The following SLC16A2 variants were observed in gnomAD, a reference collection of about 807,000 sequenced individuals.
The protein encoded by SLC16A2 is monocarboxylate transporter 8.
Under a neutral mutation model 27.2 loss-of-function variants are expected in SLC16A2, and 3 were observed. The observed-to-expected ratio is 0.11, with a 90% CI of 0.05 to 0.28. SLC16A2 has a LOEUF of 0.28. Among genes scored for constraint, SLC16A2 ranks in the 10% least tolerant of loss-of-function variants. The pLI is 1.00. For synonymous variants in SLC16A2, 202 were observed against 187.8 expected, an observed-to-expected ratio of 1.08 and a Z score of -0.62; for missense variants, 295 against 458.5, an observed-to-expected ratio of 0.64 and a Z score of 3.26.
At chrX:74,519,586 G>C (rs1316690402) in intron 1 of SLC16A2, among the ~76,000 whole-genome samples, 5 of 104,955 alleles carry the variant, frequency 4.8e-5, no homozygotes, top group Admixed American at 2.0e-4. Flanking sequence ...CGTGGTGGCA[G>C]GCACCTGTAG....
At chrX:74,511,808 G>T (rs1295519096) in intron 1 of SLC16A2, among the ~76,000 whole-genome samples, 1 of 111,881 alleles carries the variant, frequency 8.9e-6, no homozygotes, top group Non-Finnish European at 1.9e-5. Flanking sequence ...CTGAGCAAGA[G>T]TGTTTCATCT....
At chrX:74,494,125 A>G (rs1929890096) in intron 1 of SLC16A2, among the ~76,000 whole-genome samples, 1 of 112,388 alleles carries the variant, frequency 8.9e-6, no homozygotes, top group Non-Finnish European at 1.9e-5. Flanking sequence ...ACAAGCACCC[A>G]TCGGCAATAC....
At chrX:74,445,742 T>C (rs1928827978) in intron 1 of SLC16A2, among the ~76,000 whole-genome samples, 1 of 107,361 alleles carries the variant, frequency 9.3e-6, no homozygotes, top group African/African-American at 3.4e-5. Context: ...AACTTTGTAT[T>C]GAAATGAAAT....
intron 1 of SLC16A2, among the ~76,000 whole-genome samples, chrX:74,465,286 A>C (rs1051171367): frequency 1.8e-5 from 2 of 111,676 alleles, no homozygotes; most frequent in Non-Finnish European, 3.8e-5. Context: ...GTGTGGCATG[A>C]GATTTTGCCG....
At chrX:74,452,873 C>T (rs1018582702) in intron 1 of SLC16A2, among the ~76,000 whole-genome samples, 2 of 110,728 alleles carry the variant, frequency 1.8e-5, no homozygotes, top group Non-Finnish European at 3.8e-5. Flanking sequence ...TGACTATCTC[C>T]TCATTTGTTC....
At chrX:74,436,730 C>T (rs1928638206) in intron 1 of SLC16A2, among the ~76,000 whole-genome samples, 1 of 111,331 alleles carries the variant, frequency 9.0e-6, no homozygotes, top group African/African-American at 3.3e-5. Context: ...GCAAATATGA[C>T]CCCCAAGTGA....
At chrX:74,474,541 CAT>C (rs1158896508) in intron 1 of SLC16A2, among the ~76,000 whole-genome samples, 1 of 107,769 alleles carries the variant, frequency 9.3e-6, no homozygotes, top group Non-Finnish European at 1.9e-5. Flanking sequence ...AGGTTTGTTA[CAT>C]ATATATATGT....
chrX:74,469,132 G>A (rs750487370), intron 1 of SLC16A2, among the ~76,000 whole-genome samples: 54 of 111,796 alleles, frequency 4.8e-4, no homozygotes, highest in Non-Finnish European at 9.2e-4. Flanking sequence ...TTCTACTCAC[G>A]TTGTTGCAAG....
chrX:74,433,409 G>A (rs973720419), intron 1 of SLC16A2, among the ~76,000 whole-genome samples: 8 of 109,103 alleles, frequency 7.3e-5, no homozygotes, highest in Middle Eastern at 4.8e-3. Flanking sequence ...GATTTCTTAC[G>A]TGGGTAAATT....
rs1201632871 is a variant in SLC16A2 at position 74,531,629 on chromosome X, C to G, written c.*76C>G. On this transcript the variant is annotated 3_prime_UTR_variant, in exon 6 of 6. Coordinates refer to ENST00000587091, the MANE Select transcript of SLC16A2 (RefSeq NM_006517.5). ...CCCTGCTCAGCATTTACATTTTTGC[C>G]ACCAGCACACTTGTTCCCAGACCTG... 1 of 800,047 alleles carries G rather than the reference C, an allele frequency of 1.2e-6. No individual in the cohort carries two copies. The highest frequency in any genetic ancestry group is 1.9e-6 in the Non-Finnish European group (1 of 525,147). The allele number at this position is 800,047 out of a possible 1,213,427, so 65.9% of individuals were successfully genotyped here.
chrX:74,473,339 G>A, intron 1 of SLC16A2: 1 of 546,208 alleles, frequency 1.8e-6, no homozygotes, highest in South Asian at 2.4e-5. Flanking sequence ...CCATGACCAT[G>A]ATCAAAGTTT....
chrX:74,482,522 T>C (rs193161918), intron 1 of SLC16A2, among the ~76,000 whole-genome samples: 109 of 111,863 alleles, frequency 9.7e-4, no homozygotes, highest in Non-Finnish European at 1.4e-3. Context: ...TTGCACAATA[T>C]GTATTGATCT....
chrX:74,495,572 C>T (rs1194998476), intron 1 of SLC16A2, among the ~76,000 whole-genome samples: 3 of 109,072 alleles, frequency 2.8e-5, no homozygotes, highest in African/African-American at 9.9e-5. Flanking sequence ...TTACATTATG[C>T]AGCTCTGTGA....
intron 1 of SLC16A2, among the ~76,000 whole-genome samples, chrX:74,449,040 C>G (rs779469211): frequency 1.8e-5 from 2 of 110,964 alleles, no homozygotes; most frequent in African/African-American, 6.6e-5. Flanking sequence ...TTCTTGGAGC[C>G]AGGATAGGAA....
At chrX:74,508,269 T>C (rs753279720) in intron 1 of SLC16A2, among the ~76,000 whole-genome samples, 1 of 112,259 alleles carries the variant, frequency 8.9e-6, no homozygotes, top group Non-Finnish European at 1.9e-5. Flanking sequence ...CGCTGGGATG[T>C]TAATTAGGGT....
intron 1 of SLC16A2, among the ~76,000 whole-genome samples, chrX:74,466,240 C>T (rs1248147576): frequency 1.8e-5 from 2 of 111,242 alleles, no homozygotes; most frequent in African/African-American, 6.5e-5. Flanking sequence ...TTCTAAAAAG[C>T]TATGAAAGCC....
chrX:74,499,863 G>A (rs5937830), intron 1 of SLC16A2, among the ~76,000 whole-genome samples: 45,700 of 110,431 alleles, frequency 0.41, 8,969 homozygotes, highest in Non-Finnish European at 0.6. Context: ...ATATTGGTCT[G>A]CAAGCTGGGA....
At chrX:74,489,695 C>T (rs761203637) in intron 1 of SLC16A2, among the ~76,000 whole-genome samples, 7 of 110,458 alleles carry the variant, frequency 6.3e-5, no homozygotes, top group Non-Finnish European at 1.3e-4. Flanking sequence ...TTAGGCATGC[C>T]GATAGAAGTA....
At chrX:74,515,075 A>G (rs1930294341) in intron 1 of SLC16A2, among the ~76,000 whole-genome samples, 1 of 112,590 alleles carries the variant, frequency 8.9e-6, no homozygotes, top group Admixed American at 9.4e-5. Context: ...TAACATGAAG[A>G]TAACACAGAA....
Sources: allele counts gnomAD v4.1 joint callset (sites outside exome capture counted in the v4.1 genomes callset), GRCh38; gene constraint gnomAD v4.1.1; transcripts MANE v1.5; gene names NCBI Gene and HGNC (gene_info 2026-07-23, HGNC 2026-07-21).